RTKN2: variants seen among roughly 807,000 people sequenced by gnomAD.
RTKN2 encodes rhotekin-2.
In RTKN2, 69 loss-of-function variants were observed where a neutral mutation model predicts 71.5. That is an observed-to-expected ratio of 0.96 (90% CI 0.79 to 1.18). The LOEUF is 1.18. RTKN2 is among the 50% of genes most tolerant of loss of function. RTKN2 has a pLI of 0.00. For synonymous variants in RTKN2, 236 were observed against 236.5 expected (o/e 1.00, Z 0.02); for missense variants, 724 against 719.7 (o/e 1.01, Z -0.07).
intron 2 of RTKN2, among the ~76,000 whole-genome samples, chr10:62,254,509 C>T (rs1038717454): frequency 6.6e-6 from 1 of 152,074 alleles, no homozygotes; most frequent in African/African-American, 2.4e-5. Context: ...ATTGTGAGAA[C>T]AAAGTAATAC....
intron 9 of RTKN2, among the ~76,000 whole-genome samples, chr10:62,216,187 A>G (rs1441550395): frequency 6.6e-6 from 1 of 152,056 alleles, no homozygotes; most frequent in Non-Finnish European, 1.5e-5. Context: ...CAGGAATACA[A>G]CTATTATATA....
intron 1 of RTKN2, among the ~76,000 whole-genome samples, chr10:62,266,182 G>T (rs1842865545): frequency 6.6e-6 from 1 of 152,200 alleles, no homozygotes; most frequent in Non-Finnish European, 1.5e-5. Context: ...GGCTATGAAT[G>T]AAATAGGAGC....
chr10:62,246,076 T>G lies in RTKN2; in HGVS notation c.258-19A>C. On this transcript the variant is annotated intron_variant, in intron 2 of 11. Coordinates refer to ENST00000373789, the MANE Select transcript of RTKN2 (RefSeq NM_145307.4). ...CACATCACTGTCAAAACAAAAAAAC[T>G]TATGGAAAAAAGATCTTTTCTAATA... 15 of 1,531,600 alleles carry G rather than the reference T, an allele frequency of 9.8e-6. No individual in the cohort carries two copies. The highest frequency in any genetic ancestry group is 1.3e-5 in the Non-Finnish European group (15 of 1,124,542). 94.9% of individuals were successfully genotyped at this position (1,531,600 alleles called of 1,614,324 possible). A position where few individuals can be genotyped will look rare whatever the true frequency, so the allele number is the denominator to read the frequency against.
chr10:62,229,658 G>A (rs181024039), intron 6 of RTKN2, among the ~76,000 whole-genome samples: 1 of 152,320 alleles, frequency 6.6e-6, no homozygotes, highest in African/African-American at 2.4e-5. Flanking sequence ...TGCACAGGAA[G>A]AAACTATGTT....
At chr10:62,245,242 GAGAA>G (rs1842455556) in intron 3 of RTKN2, among the ~76,000 whole-genome samples, 1 of 151,992 alleles carries the variant, frequency 6.6e-6, no homozygotes, top group Non-Finnish European at 1.5e-5. Flanking sequence ...TAGGAATTGA[GAGAA>G]AGGAAACATC....
chr10:62,221,936 T>C (rs1589353904), intron 7 of RTKN2, among the ~76,000 whole-genome samples: 1 of 152,164 alleles, frequency 6.6e-6, no homozygotes, highest in East Asian at 1.9e-4. Context: ...AAAGTTTAGA[T>C]CAAATAGGTA....
chr10:62,259,717 A>G (rs1213931608), intron 2 of RTKN2, among the ~76,000 whole-genome samples: 2 of 151,958 alleles, frequency 1.3e-5, no homozygotes, highest in Non-Finnish European at 2.9e-5. Context: ...ATGCCTGGCT[A>G]ATTTTTGTCT....
In RTKN2 at chr10:62,197,596, A is replaced by T; in HGVS notation, c.*312T>A. ...CAGTCTCTCCCCAAAAGAAATTTTA[A>T]TGCTTTATTCTGCCTAGGGCTTATT... On this transcript the variant is annotated 3_prime_UTR_variant, in exon 12 of 12. Transcript: ENST00000373789. The T allele has an allele frequency of 9.4e-7, 1 of 1,067,932 alleles. No homozygotes were observed. The highest frequency in any genetic ancestry group is 1.1e-6 in the Non-Finnish European group (1 of 883,766). The allele number at this position is 1,067,932 out of a possible 1,614,324, so 66.2% of individuals were successfully genotyped here.
chr10:62,218,382 C>G (rs1315133300), intron 7 of RTKN2, 81 bp from the exon 8 acceptor site: 11 of 957,960 alleles, frequency 1.1e-5, no homozygotes, highest in Non-Finnish European at 1.6e-5. Context: ...TGATTTTTCT[C>G]TTTTTACAAT....
intron 3 of RTKN2, among the ~76,000 whole-genome samples, chr10:62,242,712 C>A (rs144477135): frequency 6.6e-6 from 1 of 152,036 alleles, no homozygotes; most frequent in Non-Finnish European, 1.5e-5. Context: ...CCCCTACCAC[C>A]CCTGCCCCCG....
chr10:62,193,270 T>C lies in RTKN2; in HGVS notation c.*4638A>G, dbSNP rs1841253384. ...TTATGTATATACAAGATCTTTTCAA[T>C]CTACCTCTCCTTTAGTAGTTACATT... On this transcript the variant is annotated 3_prime_UTR_variant, in exon 12 of 12. Transcript: ENST00000373789. The C allele has an allele frequency of 2.1e-6, 2 of 969,748 alleles. No individual in the cohort carries two copies. Among genetic ancestry groups the C allele is most frequent in the African/African-American group, 3.5e-5 (2 of 56,912 alleles). 60.1% of individuals were successfully genotyped at this position (969,748 alleles called of 1,614,324 possible). A position where few individuals can be genotyped will look rare whatever the true frequency, so the allele number is the denominator to read the frequency against.
intron 5 of RTKN2, chr10:62,238,937 CAA>C (rs1191566018): frequency 6.6e-6 from 1 of 151,872 alleles, no homozygotes; most frequent in Non-Finnish European, 1.5e-5. Context: ...GTCTAAAATA[CAA>C]ATCCCACACT....
intron 1 of RTKN2, 58 bp downstream of exon 1, chr10:62,268,493 C>G (rs1842906525): frequency 6.8e-7 from 1 of 1,480,274 alleles, no homozygotes; most frequent in Non-Finnish European, 9.2e-7. Context: ...AGCAAATGCG[C>G]GAGGAACAGA....
intron 9 of RTKN2, among the ~76,000 whole-genome samples, chr10:62,212,527 A>G (rs1055121914): frequency 1.3e-5 from 2 of 151,936 alleles, no homozygotes; most frequent in African/African-American, 4.8e-5. Context: ...ACATGGTGAA[A>G]CCCTGTCTCT....
chr10:62,237,616 CA>C (rs975092420), intron 5 of RTKN2, among the ~76,000 whole-genome samples: 3 of 151,414 alleles, frequency 2.0e-5, no homozygotes, highest in African/African-American at 7.3e-5. Context: ...ACTGTTCTTC[CA>C]AAAAAAATCT....
intron 10 of RTKN2, among the ~76,000 whole-genome samples, chr10:62,200,362 C>CAAAAAAA (rs67854159): frequency 6.4e-3 from 507 of 79,388 alleles, no homozygotes; most frequent in Middle Eastern, 0.015. Context: ...GACTCCGTCT[C>CAAAAAAA]AAAAAAAAAA....
intron 1 of RTKN2, among the ~76,000 whole-genome samples, chr10:62,266,246 T>C (rs1024845621): frequency 9.2e-5 from 14 of 152,174 alleles, no homozygotes; most frequent in African/African-American, 3.4e-4. Context: ...CTACTAGGTT[T>C]TAAGAGCTAG....
At chr10:62,236,861 A>T (rs566131203) in intron 5 of RTKN2, among the ~76,000 whole-genome samples, 1 of 152,060 alleles carries the variant, frequency 6.6e-6, no homozygotes, top group East Asian at 1.9e-4. Context: ...TAAGCCAAGC[A>T]TAGAAATGAA....
chr10:62,226,586 G>A (rs1437180590), intron 6 of RTKN2, among the ~76,000 whole-genome samples: 2 of 152,190 alleles, frequency 1.3e-5, no homozygotes, highest in Non-Finnish European at 2.9e-5. Context: ...TTGGTATAAT[G>A]TCAGACTCAC....
Sources: gnomAD v4.1 joint callset for allele counts (sites outside exome capture counted in the v4.1 genomes callset) on GRCh38, gnomAD v4.1.1 for gene constraint, MANE v1.5 for transcripts, NCBI Gene and HGNC (gene_info 2026-07-23, HGNC 2026-07-21) for gene names.